The following SLC24A4 variants were observed in gnomAD, a reference collection of about 807,000 sequenced individuals.
SLC24A4 encodes solute carrier family 24 member 4.
SLC24A4 carries 53 observed loss-of-function variants against 79.0 expected under a neutral mutation model. That is an observed-to-expected ratio of 0.67 (90% confidence interval 0.54 to 0.84). SLC24A4 has a LOEUF of 0.84. SLC24A4 is among the 40% of genes least tolerant of loss of function. The probability of loss-of-function intolerance (pLI) is 0.00; values close to 1 mark genes in which losing one functional copy is unlikely to be tolerated. For missense variants in SLC24A4, 731 were observed against 822.0 expected, an observed-to-expected ratio of 0.89 and a Z score of 1.35; for synonymous variants, 323 against 323.8, an observed-to-expected ratio of 1.00 and a Z score of 0.03.
At chr14:92,340,311 C>G (rs1237099516) in intron 2 of SLC24A4, among the ~76,000 whole-genome samples, 1 of 152,252 alleles carries the variant, frequency 6.6e-6, no homozygotes. Flanking sequence ...CTCGTAATCA[C>G]TGCATGTGAC....
chr14:92,382,330 C>T (rs1387929122), intron 2 of SLC24A4, among the ~76,000 whole-genome samples: 1 of 152,190 alleles, frequency 6.6e-6, no homozygotes, highest in South Asian at 2.1e-4. Flanking sequence ...TCCACAACTT[C>T]CATCTCTGCC....
chr14:92,380,865 A>C (rs1888806112), intron 2 of SLC24A4, among the ~76,000 whole-genome samples: 1 of 152,276 alleles, frequency 6.6e-6, no homozygotes, highest in African/African-American at 2.4e-5. Context: ...GAGCTGAGTG[A>C]CCGTGGACCA....
chr14:92,446,732 T>C (rs774877600), intron 8 of SLC24A4, among the ~76,000 whole-genome samples: 5 of 152,212 alleles, frequency 3.3e-5, no homozygotes, highest in Non-Finnish European at 5.9e-5. Context: ...GTCAAGTGAA[T>C]GAACAAGCTA....
chr14:92,324,525 G>C (rs1885011410), intron 1 of SLC24A4, among the ~76,000 whole-genome samples: 1 of 152,242 alleles, frequency 6.6e-6, no homozygotes, highest in Non-Finnish European at 1.5e-5. Context: ...GAGAAGGCGG[G>C]TGTGTGGAGC....
intron 1 of SLC24A4, 126 bp downstream of exon 1, chr14:92,324,086 C>T: frequency 3.1e-6 from 4 of 1,308,502 alleles, no homozygotes; most frequent in Admixed American, 2.8e-5. Context: ...CATCCAGTCC[C>T]CTCCCCGCCG....
Position 92,323,693 on chromosome 14 carries a change from A to T in SLC24A4, c.-138A>T. Reference sequence around the variant, plus strand: ...CCCCCGCCGACCTCGCCCTCGGGCCATGAGGCTTTGGCCCGGAGCTCCTCG... The same window carrying T: ...CCCCCGCCGACCTCGCCCTCGGGCCTTGAGGCTTTGGCCCGGAGCTCCTCG... On this transcript the variant is annotated 5_prime_UTR_variant, in exon 1 of 17. The change abolishes an upstream ATG in the 5' untranslated region. Coordinates refer to ENST00000532405, the MANE Select transcript of SLC24A4 (RefSeq NM_153646.4). The surrounding 1 kb of genome is among the most constrained non-coding windows in gnomAD (Gnocchi z 4.9). 10 of 1,150,454 alleles carry T rather than the reference A, an allele frequency of 8.7e-6. No individual in the cohort carries two copies. Among genetic ancestry groups the T allele is most frequent in the Non-Finnish European group, 1.1e-5 (9 of 851,066 alleles). The allele number at this position is 1,150,454 out of a possible 1,614,324, so 71.3% of individuals were successfully genotyped here.
chr14:92,355,180 C>T lies in SLC24A4; in HGVS notation c.241+29202C>T, dbSNP rs559079293. On this transcript the variant is annotated intron_variant, in intron 2 of 16. Coordinates refer to ENST00000532405, the MANE Select transcript of SLC24A4 (RefSeq NM_153646.4). ...TGGGGTGGTTGAAATATCATCTAGGCTGTCCTGCAGAGGCCTCAATTCGCT... is the reference window on the plus strand; with the variant it reads ...TGGGGTGGTTGAAATATCATCTAGGTTGTCCTGCAGAGGCCTCAATTCGCT... Among the ~76,000 whole-genome samples the T allele has an allele frequency of 2.8e-4, 43 of 152,322 alleles. 2 individuals carry two copies. Among genetic ancestry groups the T allele is most frequent in the African/African-American group, 7.5e-4 (31 of 41,572 alleles).
At chr14:92,492,876 G>T (rs926457965) in intron 16 of SLC24A4, 8 of 455,538 alleles carry the variant, frequency 1.8e-5, no homozygotes, top group Non-Finnish European at 3.1e-5. Flanking sequence ...TTGATCGAGG[G>T]ACAAGGAGGA....
At position 92,474,863 on chromosome 14, in the gene SLC24A4, A is replaced by ATATATATATATATATATATAT. The variant is rs36185636; in HGVS notation, c.1256-7816_1256-7815insATATATATATATATATATATT. ...TGTGTGTATATATATATATATATAT[A>ATATATATATATATATATATAT]TTTTTTTTTTTTTTAGTAGACACAG... On this transcript the variant is annotated intron_variant, in intron 12 of 16. Coordinates refer to ENST00000532405, the MANE Select transcript of SLC24A4 (RefSeq NM_153646.4). Among the ~76,000 whole-genome samples, 113 of 57,068 alleles carry ATATATATATATATATATATAT rather than the reference A, an allele frequency of 2.0e-3. 5 individuals carry two copies. The highest frequency in any genetic ancestry group is 2.9e-3 in the Non-Finnish European group (84 of 29,084). The allele number at this position is 57,068 out of a possible 152,430, so 37.4% of individuals were successfully genotyped here.
chr14:92,372,958 C>CCT (rs1566722070), intron 2 of SLC24A4, among the ~76,000 whole-genome samples: 1 of 129,422 alleles, frequency 7.7e-6, no homozygotes, highest in Non-Finnish European at 1.7e-5. Context: ...TCTCTCTCTC[C>CCT]CTCTCTCTCT....
intron 12 of SLC24A4, among the ~76,000 whole-genome samples, chr14:92,473,039 G>A (rs1212880889): frequency 1.3e-5 from 2 of 152,098 alleles, no homozygotes; most frequent in East Asian, 1.9e-4. Flanking sequence ...TCCTCATGTG[G>A]CCCCATGCGG....
chr14:92,393,038 G>A (rs570971154), intron 2 of SLC24A4, among the ~76,000 whole-genome samples: 2 of 152,356 alleles, frequency 1.3e-5, no homozygotes, highest in Admixed American at 1.3e-4. Context: ...TCCACTGTGT[G>A]AGGTCACGTG....
Position 92,498,088 on chromosome 14 carries a change from A to C in SLC24A4, c.*4460A>C, listed in dbSNP as rs1895993478. 6.6e-6 allele frequency: 1 copy of C among 152,210 alleles called. No homozygotes were observed. Among genetic ancestry groups the C allele is most frequent in the South Asian group, 2.1e-4 (1 of 4,820 alleles). 9.4% of individuals were successfully genotyped at this position (152,210 alleles called of 1,614,324 possible). ...CATAGAAACTTCTAGAAATTTCTGA[A>C]AATGCTCTGTGGGCAGCTCTTGGGT... On this transcript the variant is annotated 3_prime_UTR_variant, in exon 17 of 17. Transcript: ENST00000532405.
intron 2 of SLC24A4, among the ~76,000 whole-genome samples, chr14:92,372,075 T>C (rs1888201041): frequency 6.6e-6 from 1 of 152,192 alleles, no homozygotes; most frequent in African/African-American, 2.4e-5. Flanking sequence ...CAGGTGATGA[T>C]GTGATTCCAG....
intron 10 of SLC24A4, 93 bp downstream of exon 10, chr14:92,449,309 CACACACACACACA>C: frequency 6.1e-6 from 8 of 1,313,146 alleles, no homozygotes; most frequent in African/African-American, 1.5e-5. Flanking sequence ...CACACACACA[CACACACACACACA>C]CCCTCTCACA....
At chr14:92,389,970 T>C (rs1408572579) in intron 2 of SLC24A4, among the ~76,000 whole-genome samples, 1 of 152,214 alleles carries the variant, frequency 6.6e-6, no homozygotes. Context: ...CTTGCGCCTC[T>C]TCTGCTCAGT....
intron 2 of SLC24A4, among the ~76,000 whole-genome samples, chr14:92,387,144 G>C (rs908887070): frequency 8.6e-5 from 13 of 151,708 alleles, no homozygotes; most frequent in African/African-American, 3.1e-4. Context: ...AACTGGGCAG[G>C]GGGTACAGAG....
chr14:92,418,489 A>G (rs1891103867), intron 2 of SLC24A4, among the ~76,000 whole-genome samples: 1 of 151,986 alleles, frequency 6.6e-6, no homozygotes, highest in Admixed American at 6.6e-5. Flanking sequence ...TATCTATCCT[A>G]TATGTGTGTG....
intron 2 of SLC24A4, among the ~76,000 whole-genome samples, chr14:92,338,160 G>A (rs1214180530): frequency 1.3e-5 from 2 of 152,066 alleles, no homozygotes; most frequent in African/African-American, 4.8e-5. Context: ...TAGTGATGTG[G>A]GACCTGATGA....
Sources: gnomAD v4.1 joint callset for allele counts (sites outside exome capture counted in the v4.1 genomes callset) on GRCh38, gnomAD v4.1.1 for gene constraint, Gnocchi (gnomAD v3.1) non-coding constraint, MANE v1.5 for transcripts, NCBI Gene and HGNC (gene_info 2026-07-23, HGNC 2026-07-21) for gene names.